Variants in MEIOSIN observed in about 807,000 individuals in gnomAD.
MEIOSIN encodes meiosis initiator.
A neutral mutation model predicts 23.4 loss-of-function variants in MEIOSIN; 18 were observed. The ratio of observed to expected loss-of-function variants is 0.77; its 90% CI spans 0.53 to 1.14. MEIOSIN has a LOEUF of 1.14. MEIOSIN is among the 50% of genes most tolerant of loss of function. The pLI, the probability that MEIOSIN is intolerant of heterozygous loss-of-function variation, is 0.00. For missense variants in MEIOSIN, 428 were observed against 242.9 expected (o/e 1.76, Z -5.07); for synonymous variants, 187 against 100.6 (o/e 1.86, Z -5.14).
At chr19:45,746,804 G>A (rs1272435214) in intron 4 of MEIOSIN, among the ~76,000 whole-genome samples, 1 of 149,104 alleles carries the variant, frequency 6.7e-6, no homozygotes, top group African/African-American at 2.5e-5. Context: ...CTAGGCAACA[G>A]AGCAAGACTC....
rs374075417 is a variant in MEIOSIN at position 45,758,949 on chromosome 19, G to A, written c.1084G>A (p.Gly362Arg). 3 of 703,090 alleles carry A rather than the reference G, an allele frequency of 4.3e-6. No homozygotes were observed. The highest frequency in any genetic ancestry group is 7.8e-6 in the Non-Finnish European group (3 of 385,026). The allele number at this position is 703,090 out of a possible 1,614,324, so 43.6% of individuals were successfully genotyped here. ...SGTGHPSEIL[G>R]LSPSLFSSPG... ...AACAGGCCACCCAAGTGAGATCCTC[G>A]GGCTCAGCCCTAGCCTTTTCAGCTC... Residue 362 changes from glycine to arginine, a missense_variant, in exon 10 of 15, where the codon GGG becomes AGG. By Grantham distance (125) the Gly-to-Arg change is moderately radical. Transcript: ENST00000457052.
rs998651125 is a variant in MEIOSIN, at chr19:45,745,287, T to C, written c.272T>C (p.Ile91Thr). 5.7e-6 allele frequency: 4 copies of C among 702,916 alleles called. No homozygotes were observed. In the Admixed American group the frequency reaches 6.0e-5, roughly 11 times the overall value. The allele number at this position is 702,916 out of a possible 1,614,324, so 43.5% of individuals were successfully genotyped here. Residue 91 changes from isoleucine (I) to threonine (T), a missense_variant, in exon 4 of 15, where the codon ATA (isoleucine) becomes ACA (threonine). Physicochemically the swap from Ile to Thr is moderately conservative, Grantham distance 89. Coordinates refer to ENST00000457052, the MANE Select transcript of MEIOSIN (RefSeq NM_001310124.2). ...CAAGAGTTGGCACTGCTGCTGCCCA[T>C]AGCCCTGAAGACGGGGACCAAGAAG... ...KLQELALLLP[I>T]ALKTGTKKLT...
intron 9 of MEIOSIN, 108 bp from the exon 10 acceptor site, chr19:45,758,768 CTG>C (rs1456251802): frequency 3.3e-6 from 2 of 613,882 alleles, no homozygotes; most frequent in Non-Finnish European, 5.9e-6. Context: ...AAATGAGAAA[CTG>C]AGATTCGCTT....
At chr19:45,751,858 G>A (rs1968717491) in intron 5 of MEIOSIN, among the ~76,000 whole-genome samples, 1 of 151,252 alleles carries the variant, frequency 6.6e-6, no homozygotes, top group Admixed American at 6.6e-5. Flanking sequence ...AGCCTCCCGA[G>A]TAGGTAGGAT....
At chr19:45,741,674 G>A (rs1022917295) in intron 3 of MEIOSIN, among the ~76,000 whole-genome samples, 10 of 151,968 alleles carry the variant, frequency 6.6e-5, no homozygotes, top group Admixed American at 2.0e-4. Flanking sequence ...GCCTGCCACT[G>A]CACTCCAGCC....
At chr19:45,738,325 G>A (rs967174367) in intron 2 of MEIOSIN, among the ~76,000 whole-genome samples, 33 of 152,144 alleles carry the variant, frequency 2.2e-4, no homozygotes, top group Non-Finnish European at 4.4e-5. Context: ...TGAAAATATT[G>A]TATGTCAAAA....
intron 11 of MEIOSIN, among the ~76,000 whole-genome samples, chr19:45,761,116 C>A (rs956825950): frequency 7.2e-6 from 1 of 139,092 alleles, no homozygotes; most frequent in Non-Finnish European, 1.5e-5. Context: ...TTAAATTTAA[C>A]TTAATTCAAT....
intron 14 of MEIOSIN, among the ~76,000 whole-genome samples, chr19:45,763,685 C>T (rs769321507): frequency 2.0e-5 from 3 of 152,168 alleles, no homozygotes; most frequent in East Asian, 1.9e-4. Context: ...ACGACTTTCT[C>T]GGGGCGTGGT....
At chr19:45,737,299 C>T (rs945595656) in intron 2 of MEIOSIN, among the ~76,000 whole-genome samples, 1 of 151,876 alleles carries the variant, frequency 6.6e-6, no homozygotes, top group African/African-American at 2.4e-5. Flanking sequence ...CCCATCTCAG[C>T]CCCCTGAGTA....
At position 45,761,967 on chromosome 19, in the gene MEIOSIN, C is replaced by T. The variant is rs532732298; in HGVS notation, c.1463C>T (p.Pro488Leu). Residue 488 changes from proline (P) to leucine (L), a missense_variant, in exon 13 of 15, where the codon CCG becomes CTG. Physicochemically the swap from Pro to Leu is moderately conservative, Grantham distance 98 (BLOSUM62 -3). Coordinates refer to ENST00000457052, the MANE Select transcript of MEIOSIN (RefSeq NM_001310124.2). ...EDMQANPVGT[P>L]GSSEEDEDTT... Reference sequence around the variant, plus strand: ...ATGCAGGCCAACCCTGTGGGCACGCCGGGCTCCAGCGAAGAGGACGAAGAC... The same window carrying T: ...ATGCAGGCCAACCCTGTGGGCACGCTGGGCTCCAGCGAAGAGGACGAAGAC... 9 of 560,672 alleles carry T rather than the reference C, an allele frequency of 1.6e-5. No individual in the cohort carries two copies. The highest frequency in any genetic ancestry group is 3.1e-5 in the Admixed American group (1 of 32,466). The allele number at this position is 560,672 out of a possible 1,614,324, so 34.7% of individuals were successfully genotyped here.
In MEIOSIN at chr19:45,764,055, G is replaced by A. The variant is rs973429122; in HGVS notation, c.1854G>A (p.Thr618=). The change falls in exon 15 of 15, where the codon ACG becomes ACA. Residue 618 remains threonine (T), a synonymous_variant. Transcript: ENST00000457052. ...GCAGCGAGGCTGAGGACTGGGAGAC[G>A]CCAAAGCCCTTCTACCAGCTGCTGG... The part of the protein sequence containing the change: ...GSSSEAEDWE[T]PKPFYQLLAE... The A allele has an allele frequency of 1.5e-5, 6 of 398,562 alleles. No individual in the cohort carries two copies. The highest frequency in any genetic ancestry group is 3.6e-5 in the East Asian group (1 of 28,094). 24.7% of individuals were successfully genotyped at this position (398,562 alleles called of 1,614,324 possible). A position where few individuals can be genotyped will look rare whatever the true frequency, so the allele number is the denominator to read the frequency against.
rs1187981236 is a variant in MEIOSIN, at chr19:45,756,024, C to A, written c.857C>A (p.Ala286Asp). ...QDDAPFPALL[A>D]QEDVARIHFL... Reference sequence around the variant, plus strand: ...GACGCACCTTTCCCTGCGCTCCTGGCTCAGGAAGATGTGGCGAGGATCCAT... The same window carrying A: ...GACGCACCTTTCCCTGCGCTCCTGGATCAGGAAGATGTGGCGAGGATCCAT... Residue 286 changes from alanine (A) to aspartate (D), a missense_variant, in exon 8 of 15, where the codon GCT becomes GAT. Ala to Asp is a moderately radical substitution (Grantham distance 126, BLOSUM62 -2). Coordinates refer to ENST00000457052, the MANE Select transcript of MEIOSIN (RefSeq NM_001310124.2). 2.8e-6 allele frequency: 2 copies of A among 702,936 alleles called. No individual in the cohort carries two copies. The highest frequency in any genetic ancestry group is 5.2e-6 in the Non-Finnish European group (2 of 385,016). The allele number at this position is 702,936 out of a possible 1,614,324, so 43.5% of individuals were successfully genotyped here.
chr19:45,745,357 C>T (rs199992718), intron 4 of MEIOSIN, 36 bp downstream of exon 4: 48 of 691,248 alleles, frequency 6.9e-5, no homozygotes, highest in East Asian at 5.4e-4. Flanking sequence ...AGATTTGGGA[C>T]GCAGGTCTTT....
rs1371229939 is a variant in MEIOSIN, at chr19:45,753,528, T to A, written c.419-123T>A. ...TTGGATAAGCCCTCAGTTTCCACAC[T>A]GTAAAGTCAGCCTGGGGGCCCACCC... is the stretch of plus-strand genomic sequence containing the variant. On this transcript the variant is annotated intron_variant, in intron 5 of 14. Transcript: ENST00000457052. The A allele has an allele frequency of 5.0e-6, 3 of 596,494 alleles. No homozygotes were observed. The East Asian group carries it at 8.4e-5, about 17-fold the overall frequency. The allele number at this position is 596,494 out of a possible 1,614,324, so 37.0% of individuals were successfully genotyped here. A position where few individuals can be genotyped will look rare whatever the true frequency, so the allele number is the denominator to read the frequency against.
intron 4 of MEIOSIN, among the ~76,000 whole-genome samples, chr19:45,749,392 A>C: frequency 7.2e-6 from 1 of 139,370 alleles, no homozygotes; most frequent in African/African-American, 2.7e-5. Flanking sequence ...AAAAAAAAAA[A>C]AGGCCGAGCG....
At chr19:45,740,764 T>C (rs1031104504) in intron 3 of MEIOSIN, among the ~76,000 whole-genome samples, 2 of 134,080 alleles carry the variant, frequency 1.5e-5, no homozygotes, top group African/African-American at 2.8e-5. Context: ...ATAATAATAA[T>C]AATAATAATA....
rs1188579381 is a variant in MEIOSIN at position 45,739,615 on chromosome 19, A to G, written c.72-11A>G. 1.3e-5 allele frequency: 9 copies of G among 702,994 alleles called. No homozygotes were observed. The East Asian group carries it at 2.4e-4, about 19-fold the overall frequency. 43.5% of individuals were successfully genotyped at this position (702,994 alleles called of 1,614,324 possible). On this transcript the variant is annotated splice_polypyrimidine_tract_variant and intron_variant, in intron 2 of 14. Transcript: ENST00000457052. ...CAACCCTGAACCAATCACTGTGACTATTCTTGGCAGGACCTTGGTTTTGTG... is the reference window on the plus strand; with the variant it reads ...CAACCCTGAACCAATCACTGTGACTGTTCTTGGCAGGACCTTGGTTTTGTG...
chr19:45,756,898 T>TA (rs1391753422), intron 8 of MEIOSIN, among the ~76,000 whole-genome samples: 32 of 152,136 alleles, frequency 2.1e-4, no homozygotes, highest in Admixed American at 1.6e-3. Context: ...TCTTCCTGGA[T>TA]AGCCTGCTTC....
At chr19:45,761,129 CTT>C (rs34796716) in intron 11 of MEIOSIN, among the ~76,000 whole-genome samples, 33 of 138,922 alleles carry the variant, frequency 2.4e-4, no homozygotes, top group South Asian at 2.3e-4. Flanking sequence ...AATTCAATTT[CTT>C]TTTTTTTTTT....
Sources: gnomAD v4.1 joint callset for allele counts (sites outside exome capture counted in the v4.1 genomes callset) on GRCh38, gnomAD v4.1.1 for gene constraint, MANE v1.5 for transcripts, NCBI Gene and HGNC (gene_info 2026-07-23, HGNC 2026-07-21) for gene names.